Variants in WNT7A observed in about 807,000 individuals in gnomAD.
WNT7A encodes Wnt family member 7A.
In WNT7A, 16 loss-of-function variants were observed where a neutral mutation model predicts 28.2. The ratio of observed to expected loss-of-function variants is 0.57; its 90% CI spans 0.38 to 0.86. The LOEUF (loss-of-function observed/expected upper bound fraction) is 0.86. WNT7A is among the 40% of genes least tolerant of loss of function. WNT7A has a pLI of 0.00. For missense variants in WNT7A, 411 were observed against 489.7 expected (o/e 0.84, Z 1.52); for synonymous variants, 190 against 195.9 (o/e 0.97, Z 0.25).
chr3:13,853,405 G>T (rs948699594), intron 3 of WNT7A, among the ~76,000 whole-genome samples: 1 of 152,160 alleles, frequency 6.6e-6, no homozygotes, highest in Non-Finnish European at 1.5e-5. Context: ...TGCACTCTTC[G>T]GCCCCAACCT....
chr3:13,855,734 T>C (rs1694717994), intron 2 of WNT7A, among the ~76,000 whole-genome samples: 1 of 152,096 alleles, frequency 6.6e-6, no homozygotes, highest in African/African-American at 2.4e-5. Flanking sequence ...AAGCAACCTA[T>C]GGGAAGCCCT....
intron 3 of WNT7A, 29 bp from the exon 4 acceptor site, chr3:13,819,452 C>G: frequency 6.2e-7 from 1 of 1,607,106 alleles, no homozygotes; most frequent in South Asian, 1.1e-5. Context: ...AAGAGCACAG[C>G]ACAGGTCACT....
intron 3 of WNT7A, among the ~76,000 whole-genome samples, chr3:13,829,749 G>A (rs1694248368): frequency 6.6e-6 from 1 of 152,168 alleles, no homozygotes; most frequent in Middle Eastern, 3.2e-3. Flanking sequence ...CAGGTTGGCT[G>A]AAGTTGTCCA....
chr3:13,832,889 A>C (rs1694304574), intron 3 of WNT7A, among the ~76,000 whole-genome samples: 1 of 152,068 alleles, frequency 6.6e-6, no homozygotes, highest in African/African-American at 2.4e-5. Context: ...TCTGAAACTC[A>C]GTGTTTGCCA....
At chr3:13,824,928 G>A (rs911237291) in intron 3 of WNT7A, among the ~76,000 whole-genome samples, 1 of 152,148 alleles carries the variant, frequency 6.6e-6, no homozygotes, top group African/African-American at 2.4e-5. Flanking sequence ...ACATCTATGA[G>A]TTGGAATGCC....
rs1257373284 is a variant in WNT7A at position 13,875,137 on chromosome 3, G to A, written c.108C>T (p.Ile36=). 1 of 1,614,128 alleles carries A rather than the reference G, an allele frequency of 6.2e-7. No homozygotes were observed. Among genetic ancestry groups the A allele is most frequent in the Admixed American group, 1.7e-5 (1 of 60,032 alleles). The change falls in exon 2 of 4, where the codon ATC becomes ATT. Residue 36 remains isoleucine, a synonymous_variant. Coordinates refer to ENST00000285018, the MANE Select transcript of WNT7A (RefSeq NM_004625.4). ...CCAGGCCTGGGATCTTGTTACAGATGATGCTTGCGCCCAGAGCTACCACTG... is the reference window on the plus strand; with the variant it reads ...CCAGGCCTGGGATCTTGTTACAGATAATGCTTGCGCCCAGAGCTACCACTG... ...FSSVVALGAS[I]ICNKIPGLAP...
chr3:13,836,450 G>A (rs943293717), intron 3 of WNT7A, among the ~76,000 whole-genome samples: 2 of 152,216 alleles, frequency 1.3e-5, no homozygotes, highest in African/African-American at 4.8e-5. Flanking sequence ...CCAGAGGTTA[G>A]GATTTCACTG....
chr3:13,867,520 T>C (rs964927326), intron 2 of WNT7A, among the ~76,000 whole-genome samples: 2 of 152,198 alleles, frequency 1.3e-5, no homozygotes, highest in Admixed American at 6.5e-5. Context: ...ACACACTTTC[T>C]TTCAAGGGTG....
At position 13,818,729 on chromosome 3, in the gene WNT7A, G is replaced by A; in HGVS notation, c.*215C>T. The A allele has an allele frequency of 1.5e-6, 1 of 672,356 alleles. No homozygotes were observed. The highest frequency in any genetic ancestry group is 2.9e-5 in the South Asian group (1 of 34,762). The allele number at this position is 672,356 out of a possible 1,614,324, so 41.6% of individuals were successfully genotyped here. On this transcript the variant is annotated 3_prime_UTR_variant, in exon 4 of 4. Transcript: ENST00000285018. ...CCGCGGAGGGACCTGGGCTGTGTCT[G>A]GGGGAGGGTGGAGCAGCATTGGGTG...
rs934877485 is a variant in WNT7A at position 13,822,204 on chromosome 3, G to A, written c.571-2781C>T. Among the ~76,000 whole-genome samples the A allele has an allele frequency of 1.3e-5, 2 of 152,340 alleles. 1 individual carries two copies. The highest frequency in any genetic ancestry group is 1.3e-4 in the Admixed American group (2 of 15,304). ...TCAGAATGTTAGACACAGAATGTGT[G>A]ACTCAACAATTCCACCCCTAGGCGT... is the stretch of plus-strand genomic sequence containing the variant. On this transcript the variant is annotated intron_variant, in intron 3 of 3. Transcript: ENST00000285018.
chr3:13,879,936 T>A lies in WNT7A; in HGVS notation c.-120A>T, dbSNP rs1695184105. 1 of 734,756 alleles carries A rather than the reference T, an allele frequency of 1.4e-6. No homozygotes were observed. The highest frequency in any genetic ancestry group is 3.6e-5 in the East Asian group (1 of 27,956). The allele number at this position is 734,756 out of a possible 1,614,324, so 45.5% of individuals were successfully genotyped here. On this transcript the variant is annotated 5_prime_UTR_variant, in exon 1 of 4. Transcript: ENST00000285018. The stretch of plus-strand genomic sequence containing the variant: ...GAGCCGAGGCGTCCCCGGGGCCGTC[T>A]GTCGGTGCGCCCGTCCGCGCGCTCC...
At chr3:13,853,029 C>T (rs1162933124) in intron 3 of WNT7A, among the ~76,000 whole-genome samples, 2 of 152,176 alleles carry the variant, frequency 1.3e-5, no homozygotes, top group Non-Finnish European at 2.9e-5. Context: ...CTGGCCTGCA[C>T]TCCACTCATA....
At chr3:13,824,673 C>T (rs189359276) in intron 3 of WNT7A, among the ~76,000 whole-genome samples, 14 of 152,320 alleles carry the variant, frequency 9.2e-5, no homozygotes, top group South Asian at 4.1e-4. Flanking sequence ...CAGCTGCCTC[C>T]GCTTGAGCAA....
At chr3:13,823,273 C>A (rs1694141185) in intron 3 of WNT7A, among the ~76,000 whole-genome samples, 1 of 152,208 alleles carries the variant, frequency 6.6e-6, no homozygotes, top group Non-Finnish European at 1.5e-5. Flanking sequence ...AGAGCCTGGG[C>A]TCTGTGCTTC....
intron 3 of WNT7A, among the ~76,000 whole-genome samples, chr3:13,834,376 C>T (rs1359272829): frequency 1.3e-5 from 2 of 152,120 alleles, no homozygotes; most frequent in Non-Finnish European, 2.9e-5. Context: ...GCTGCTGATG[C>T]TGGGGGTCGG....
At chr3:13,820,666 C>T (rs1694092713) in intron 3 of WNT7A, among the ~76,000 whole-genome samples, 1 of 152,128 alleles carries the variant, frequency 6.6e-6, no homozygotes. Flanking sequence ...GCCCTGGGCC[C>T]GTTCAAGATG....
At chr3:13,872,550 G>T (rs1469413119) in intron 2 of WNT7A, among the ~76,000 whole-genome samples, 1 of 152,092 alleles carries the variant, frequency 6.6e-6, no homozygotes, top group Non-Finnish European at 1.5e-5. Flanking sequence ...CAACTGCCCT[G>T]CATCGCTGTC....
intron 2 of WNT7A, among the ~76,000 whole-genome samples, chr3:13,860,887 G>A (rs1487395255): frequency 1.3e-5 from 2 of 152,188 alleles, no homozygotes; most frequent in African/African-American, 4.8e-5. Context: ...TATGTCCAAT[G>A]ACATATAGTA....
At chr3:13,847,419 C>T (rs1694556955) in intron 3 of WNT7A, among the ~76,000 whole-genome samples, 1 of 152,180 alleles carries the variant, frequency 6.6e-6, no homozygotes, top group African/African-American at 2.4e-5. Context: ...TCTCCACTCC[C>T]TTGGTGTGTG....
Sources: gnomAD v4.1 joint callset for allele counts (sites outside exome capture counted in the v4.1 genomes callset) on GRCh38, gnomAD v4.1.1 for gene constraint, MANE v1.5 for transcripts, NCBI Gene and HGNC (gene_info 2026-07-23, HGNC 2026-07-21) for gene names.